ESRP1: variants seen among roughly 807,000 people sequenced by gnomAD.
The protein encoded by ESRP1 is epithelial splicing regulatory protein 1.
ESRP1 carries 33 observed loss-of-function variants against 81.7 expected under a neutral mutation model. The ratio of observed to expected loss-of-function variants is 0.40; its 90% CI spans 0.31 to 0.54. The LOEUF (loss-of-function observed/expected upper bound fraction) is 0.54. Among genes scored for constraint, ESRP1 ranks in the 20% least tolerant of loss-of-function variants. The pLI, the probability that ESRP1 is intolerant of heterozygous loss-of-function variation, is 0.41. For missense variants in ESRP1, 672 were observed against 833.1 expected, an observed-to-expected ratio of 0.81 and a Z score of 2.38; for synonymous variants, 320 against 303.3, an observed-to-expected ratio of 1.06 and a Z score of -0.57.
intron 9 of ESRP1, among the ~76,000 whole-genome samples, chr8:94,667,127 G>A (rs1328947770): frequency 6.8e-6 from 1 of 147,440 alleles, no homozygotes; most frequent in Non-Finnish European, 1.5e-5. Context: ...CGAGGCAGGA[G>A]AATCAACTTG....
chr8:94,702,806 C>A (rs1047305598), intron 15 of ESRP1, among the ~76,000 whole-genome samples: 1 of 152,128 alleles, frequency 6.6e-6, no homozygotes, highest in Non-Finnish European at 1.5e-5. Context: ...TTTACCTTAG[C>A]CTCCCTGGTA....
chr8:94,678,345 C>T lies in ESRP1; in HGVS notation c.1794C>T (p.Phe598=). The change falls in exon 13 of 16, where the codon TTC becomes TTT. Residue 598 remains phenylalanine (F), a synonymous_variant. Transcript: ENST00000433389. ...ACTACCCAGCAGGCACTCAGCTCTT[C>T]ATGAATTACACAGCGTACTATCCCA... ...TAYYPAGTQL[F]MNYTAYYPSP... 2 of 1,613,950 alleles carry T rather than the reference C, an allele frequency of 1.2e-6. No individual in the cohort carries two copies. Among genetic ancestry groups the T allele is most frequent in the Non-Finnish European group, 1.7e-6 (2 of 1,179,868 alleles).
rs147340474 is a variant in ESRP1, at chr8:94,655,044, CTG to C, written c.491-7225_491-7224del. Among the ~76,000 whole-genome samples, 933 of 146,620 alleles carry C rather than the reference CTG, an allele frequency of 6.4e-3. 16 individuals are homozygous for C. Among genetic ancestry groups the C allele is most frequent in the East Asian group, 0.051 (251 of 4,958 alleles). Reference sequence around the variant, plus strand: ...GTTTTAAGTATGTGTGTATCTGTGTCTGTGAGGTTTTTTGGGTTTTTTGTGTG... The same window carrying C: ...GTTTTAAGTATGTGTGTATCTGTGTCTGAGGTTTTTTGGGTTTTTTGTGTG... On this transcript the variant is annotated intron_variant, in intron 4 of 15. Coordinates refer to ENST00000433389, the MANE Select transcript of ESRP1 (RefSeq NM_017697.4).
In ESRP1 at chr8:94,641,286, C is replaced by A; in HGVS notation, c.-33C>A. ...ACTTCCACACCACCTTACCGCCTCCCGACCCCCCCTCTCCCCCTCCCCACC... is the reference window on the plus strand; with the variant it reads ...ACTTCCACACCACCTTACCGCCTCCAGACCCCCCCTCTCCCCCTCCCCACC... On this transcript the variant is annotated 5_prime_UTR_variant, in exon 1 of 16. Transcript: ENST00000433389. 1 of 1,585,632 alleles carries A rather than the reference C, an allele frequency of 6.3e-7. No individual in the cohort carries two copies. The highest frequency in any genetic ancestry group is 1.1e-5 in the South Asian group (1 of 89,638).
At chr8:94,693,178 T>A (rs938528239) in intron 14 of ESRP1, among the ~76,000 whole-genome samples, 2 of 152,226 alleles carry the variant, frequency 1.3e-5, no homozygotes, top group Non-Finnish European at 2.9e-5. Context: ...AAGTGAAGTG[T>A]CAAATCCTTG....
rs753318934 is a variant in ESRP1 at position 94,692,715 on chromosome 8, C to T, written c.1859C>T (p.Thr620Ile). The change falls in exon 14 of 16, where the codon ACA becomes ATA. Residue 620 changes from threonine to isoleucine, a missense_variant. Transcript: ENST00000433389. The stretch of plus-strand genomic sequence containing the variant: ...CCTAATAGTCTTGGCTACTTCCCTA[C>T]AGCTGCTAATCTTAGCGGTGTCCCT... ...GSPNSLGYFP[T>I]AANLSGVPPQ... The T allele has an allele frequency of 2.5e-6, 4 of 1,613,866 alleles. No homozygotes were observed. In the African/African-American group the frequency reaches 5.3e-5, roughly 22 times the overall value.
intron 10 of ESRP1, among the ~76,000 whole-genome samples, chr8:94,669,832 A>G (rs1378278588): frequency 6.8e-6 from 1 of 146,932 alleles, no homozygotes; most frequent in African/African-American, 2.5e-5. Context: ...ATCACGCTGC[A>G]CTCTAGCCTG....
In ESRP1 at chr8:94,642,005, C is replaced by T. The variant is rs936268580; in HGVS notation, c.182C>T (p.Thr61Met). 15 of 1,613,874 alleles carry T rather than the reference C, an allele frequency of 9.3e-6. No individual in the cohort carries two copies. The highest frequency in any genetic ancestry group is 1.2e-5 in the Non-Finnish European group (14 of 1,179,894). The change falls in exon 2 of 16, where the codon ACG becomes ATG. Residue 61 changes from threonine (T) to methionine (M), a missense_variant. Thr to Met is a moderately conservative substitution (Grantham distance 81). Transcript: ENST00000433389. ...GTTAGACCGGATCAGTTGGAACTGA[C>T]GGAGGACTGCAAAGAAGAAACTAAA... ...VLVRPDQLEL[T>M]EDCKEETKID...
chr8:94,665,195 T>A lies in ESRP1; in HGVS notation c.930T>A (p.Gly310=), dbSNP rs1204240039. The A allele has an allele frequency of 9.9e-6, 16 of 1,612,458 alleles. No homozygotes were observed. In the Middle Eastern group the frequency reaches 5.0e-4, roughly 50 times the overall value. ...ATGEDFLKIA[G]GTSNEVAQFL... The stretch of plus-strand genomic sequence containing the variant: ...GTGAAGATTTCCTTAAAATTGCTGG[T>A]GGTAAGTGCCTTTTACATAATGTGG... The change falls in exon 9 of 16, where the codon GGT becomes GGA. Residue 310 remains glycine, a splice_region_variant and synonymous_variant. Transcript: ENST00000433389.
At chr8:94,704,666 G>A (rs748654104) in intron 15 of ESRP1, among the ~76,000 whole-genome samples, 3 of 151,108 alleles carry the variant, frequency 2.0e-5, no homozygotes, top group Admixed American at 6.6e-5. Context: ...GGAGGCCGAG[G>A]TGGAGGATAC....
intron 10 of ESRP1, 74 bp from the exon 11 acceptor site, chr8:94,671,379 G>A: frequency 7.8e-7 from 1 of 1,278,754 alleles, no homozygotes; most frequent in Non-Finnish European, 1.1e-6. Flanking sequence ...GCTTCCCAGT[G>A]ATGCCATTGC....
intron 2 of ESRP1, among the ~76,000 whole-genome samples, chr8:94,642,577 A>G (rs1817666698): frequency 6.6e-6 from 1 of 152,256 alleles, no homozygotes; most frequent in Middle Eastern, 3.4e-3. Flanking sequence ...TGAACTCCCA[A>G]CGAAAGGCTC....
At chr8:94,701,594 CTTTTTCTTTTT>C (rs933236381) in intron 15 of ESRP1, among the ~76,000 whole-genome samples, 15 of 151,578 alleles carry the variant, frequency 9.9e-5, no homozygotes, top group Middle Eastern at 3.4e-3. Flanking sequence ...TCTTCTTTTT[CTTTTTCTTTTT>C]TTTTTCTTTT....
At chr8:94,666,877 G>T (rs1819041593) in intron 9 of ESRP1, among the ~76,000 whole-genome samples, 1 of 152,140 alleles carries the variant, frequency 6.6e-6, no homozygotes, top group African/African-American at 2.4e-5. Context: ...TCATTTCTGG[G>T]ATTTCATTGT....
chr8:94,653,220 G>T (rs1265400154), intron 4 of ESRP1, among the ~76,000 whole-genome samples: 3 of 152,020 alleles, frequency 2.0e-5, no homozygotes, highest in African/African-American at 7.2e-5. Flanking sequence ...CTTCTTGGGG[G>T]GTGTAAAGGA....
At chr8:94,689,085 T>C (rs1809264432) in intron 13 of ESRP1, among the ~76,000 whole-genome samples, 2 of 152,176 alleles carry the variant, frequency 1.3e-5, no homozygotes, top group South Asian at 4.2e-4. Context: ...ATCCTGTCTC[T>C]ACTAAAAATA....
In ESRP1 at chr8:94,690,276, A is replaced by ATTTTTTTTTTTTTTTT. The variant is rs373440584; in HGVS notation, c.1821-2388_1821-2373dup. ...AGGCATGAGCTACAATGCCTGGCTA[A>ATTTTTTTTTTTTTTTT]TTTTTTTTTTTTTTTTTTTTTTTTT... On this transcript the variant is annotated intron_variant, in intron 13 of 15. Coordinates refer to ENST00000433389, the MANE Select transcript of ESRP1 (RefSeq NM_017697.4). Among the ~76,000 whole-genome samples the ATTTTTTTTTTTTTTTT allele has an allele frequency of 8.1e-5, 5 of 61,370 alleles. 1 individual carries two copies. Among genetic ancestry groups the ATTTTTTTTTTTTTTTT allele is most frequent in the African/African-American group, 2.7e-4 (4 of 14,838 alleles). The allele number at this position is 61,370 out of a possible 152,430, so 40.3% of individuals were successfully genotyped here. A position where few individuals can be genotyped will look rare whatever the true frequency, so the allele number is the denominator to read the frequency against.
chr8:94,668,084 A>G lies in ESRP1; in HGVS notation c.1067A>G (p.Lys356Arg). Reference sequence around the variant, plus strand: ...CAGCATTGCCCTATTACTGGGGGAAAGGAAGGCATCCTCTTTGTCACCTAC... The same window carrying G: ...CAGCATTGCCCTATTACTGGGGGAAGGGAAGGCATCCTCTTTGTCACCTAC... Reference protein sequence around the residue: ...FGQHCPITGGKEGILFVTYPD... With the variant: ...FGQHCPITGGREGILFVTYPD... The change falls in exon 10 of 16, where the codon AAG becomes AGG. Residue 356 changes from lysine to arginine, a missense_variant. By Grantham distance (26) the Lys-to-Arg change is conservative. Coordinates refer to ENST00000433389, the MANE Select transcript of ESRP1 (RefSeq NM_017697.4). The G allele has an allele frequency of 6.2e-7, 1 of 1,614,008 alleles. No individual in the cohort carries two copies. Among genetic ancestry groups the G allele is most frequent in the Non-Finnish European group, 8.5e-7 (1 of 1,179,888 alleles).
rs1818947458 is a variant in ESRP1, at chr8:94,665,006, C to T, written c.835C>T (p.Arg279Ter). 4 of 1,613,576 alleles carry T rather than the reference C, an allele frequency of 2.5e-6. No individual in the cohort carries two copies. The highest frequency in any genetic ancestry group is 3.4e-6 in the Non-Finnish European group (4 of 1,179,822). ...GGTTAGGTTTGTAAGTGAGGAGCAC[C>T]GAGACCTAGCACTACAGAGGCACAA... ...ALVRFVSEEH[R>*]DLALQRHKHH... Residue 279 changes from arginine to a stop codon, truncating the protein, a stop_gained, in exon 8 of 16, where the codon CGA (arginine) becomes TGA (stop). Transcript: ENST00000433389. LOFTEE classifies it high-confidence loss of function.
Sources: gnomAD v4.1 joint callset for allele counts (sites outside exome capture counted in the v4.1 genomes callset) on GRCh38, gnomAD v4.1.1 for gene constraint, MANE v1.5 for transcripts, NCBI Gene and HGNC (gene_info 2026-07-23, HGNC 2026-07-21) for gene names.